The following SFXN3 variants were observed in gnomAD, a reference collection of about 807,000 sequenced individuals.
SFXN3 encodes sideroflexin 3.
A neutral mutation model predicts 40.4 loss-of-function variants in SFXN3; 31 were observed. The observed-to-expected ratio is 0.77, with a 90% CI of 0.58 to 1.04. The LOEUF (loss-of-function observed/expected upper bound fraction) is 1.04, where lower values mean the gene tolerates loss of function less well. Among genes scored for constraint, SFXN3 ranks in the 50% least tolerant of loss-of-function variants. The pLI, the probability that SFXN3 is intolerant of heterozygous loss-of-function variation, is 0.00. For synonymous variants in SFXN3, 157 were observed against 160.0 expected (o/e 0.98, Z 0.14); for missense variants, 366 against 408.2 (o/e 0.90, Z 0.89).
rs1938771592 is a variant in SFXN3 at position 101,039,176 on chromosome 10, C to T, written c.823C>T (p.Leu275=). The T allele has an allele frequency of 6.2e-7, 1 of 1,610,222 alleles. No individual in the cohort carries two copies. Among genetic ancestry groups the T allele is most frequent in the Non-Finnish European group, 8.5e-7 (1 of 1,177,058 alleles). ...CTTTCCAACACTTGTCTCCCCCAGC[C>T]TGGTATTTGCAACCCCCCTGTGCTG... Residue 275 remains leucine, a splice_region_variant and synonymous_variant, in exon 11 of 12, where the codon CTG becomes TTG. Coordinates refer to ENST00000393459, the Ensembl canonical transcript of SFXN3. The surrounding 1 kb of genome is among the most constrained non-coding windows in gnomAD (Gnocchi z 4.6).
rs1315587498 is a variant in SFXN3, at chr10:101,039,249, G to A, written c.869+27G>A. ...TAAGTGCTGTCCCTGGGCTGGGTGG[G>A]GGACTCTGGATTGGACTCTGCATCT... On this transcript the variant is annotated intron_variant, in intron 11 of 11. Coordinates refer to ENST00000393459, the Ensembl canonical transcript of SFXN3. This position sits in a 1 kb window ranked among gnomAD's most constrained non-coding sequence, Gnocchi z 4.6. 2 of 1,592,418 alleles carry A rather than the reference G, an allele frequency of 1.3e-6. No homozygotes were observed. Among genetic ancestry groups the A allele is most frequent in the East Asian group, 2.2e-5 (1 of 44,824 alleles).
At chr10:101,032,316 T>A (rs576666988) in exon 2 of SFXN3, 28 of 791,960 alleles carry the variant, frequency 3.5e-5, no homozygotes, top group Non-Finnish European at 5.2e-5. Flanking sequence ...GCCCTCAGGT[T>A]CTGCCAATCC....
intron 3 of SFXN3, 144 bp downstream of exon 3, chr10:101,034,999 A>G: frequency 8.7e-7 from 1 of 1,154,624 alleles, no homozygotes; most frequent in Non-Finnish European, 1.2e-6. Context: ...TTGGCATCAC[A>G]GAGCTTTAAC....
chr10:101,035,066 G>T (rs1475967585), intron 3 of SFXN3, among the ~76,000 whole-genome samples: 1 of 152,226 alleles, frequency 6.6e-6, no homozygotes, highest in Non-Finnish European at 1.5e-5. Context: ...TATGGGAGGG[G>T]CTGCTCTATG....
chr10:101,035,355 G>T (rs1938537480), intron 3 of SFXN3, 142 bp from the exon 4 acceptor site: 2 of 954,340 alleles, frequency 2.1e-6, no homozygotes, highest in African/African-American at 1.7e-5. Context: ...CTCTCCCAAA[G>T]ATAAGGAGCT....
At chr10:101,034,485 T>C (rs1938486828) in intron 2 of SFXN3, among the ~76,000 whole-genome samples, 1 of 152,210 alleles carries the variant, frequency 6.6e-6, no homozygotes, top group Non-Finnish European at 1.5e-5. Context: ...CAGGTCTTTT[T>C]CAAAATGGAG....
At position 101,039,901 on chromosome 10, in the gene SFXN3, A is replaced by C. The variant is rs1024911476; in HGVS notation, c.*316A>C. ...AGGCATGCTAGCCTAGTATGTTCTG[A>C]CATCTGGCTTCCCTTCTCAGCCTCA... On this transcript the variant is annotated 3_prime_UTR_variant, in exon 12 of 12. Coordinates refer to ENST00000393459, the Ensembl canonical transcript of SFXN3. This position sits in a 1 kb window ranked among gnomAD's most constrained non-coding sequence, Gnocchi z 4.6. 17 of 297,702 alleles carry C rather than the reference A, an allele frequency of 5.7e-5. No homozygotes were observed. The South Asian group carries it at 8.3e-4, about 15-fold the overall frequency. The allele number at this position is 297,702 out of a possible 1,614,324, so 18.4% of individuals were successfully genotyped here. A position where few individuals can be genotyped will look rare whatever the true frequency, so the allele number is the denominator to read the frequency against.
At chr10:101,034,796 A>C (rs764155723) in exon 3 of SFXN3, 1 of 1,614,186 alleles carries the variant, frequency 6.2e-7, no homozygotes, top group South Asian at 1.1e-5. Context: ...CTGATCCTCG[A>C]AATCTGCTGC....
At position 101,036,219 on chromosome 10, in the gene SFXN3, C is replaced by T; in HGVS notation, c.431+118C>T. The stretch of plus-strand genomic sequence containing the variant: ...GGACCATGCAGCCAGTGCTCAGCGC[C>T]CTCTCCTCAGCCTGCCCCACCCCGA... On this transcript the variant is annotated intron_variant, in intron 5 of 11. Coordinates refer to ENST00000393459, the Ensembl canonical transcript of SFXN3. This position sits in a 1 kb window ranked among gnomAD's most constrained non-coding sequence, Gnocchi z 4.2. The T allele has an allele frequency of 1.1e-6, 1 of 906,160 alleles. No homozygotes were observed. Among genetic ancestry groups the T allele is most frequent in the Admixed American group, 2.0e-5 (1 of 49,258 alleles). 56.1% of individuals were successfully genotyped at this position (906,160 alleles called of 1,614,324 possible).
In SFXN3 at chr10:101,039,116, G is replaced by T; in HGVS notation, c.822-59G>T. ...ATCTCCAAGGATGGGGTGGGGTGCA[G>T]GGAGGGAACACCCTAAGGCCAAAGC... On this transcript the variant is annotated intron_variant, in intron 10 of 11. Transcript: ENST00000393459. The surrounding 1 kb of genome is among the most constrained non-coding windows in gnomAD (Gnocchi z 4.6). 2 of 1,461,490 alleles carry T rather than the reference G, an allele frequency of 1.4e-6. No homozygotes were observed. The allele number at this position is 1,461,490 out of a possible 1,614,324, so 90.5% of individuals were successfully genotyped here.
chr10:101,031,829 G>C (rs1256634945), intron 1 of SFXN3, among the ~76,000 whole-genome samples: 8 of 152,290 alleles, frequency 5.3e-5, no homozygotes. Context: ...AGGGGTTACA[G>C]AGGGGGAGCA....
At chr10:101,038,827 C>T in intron 10 of SFXN3, 135 bp downstream of exon 10, 3 of 1,362,848 alleles carry the variant, frequency 2.2e-6, no homozygotes, top group South Asian at 2.5e-5. Flanking sequence ...TTTGGAACAA[C>T]TATAGGGTCT....
chr10:101,036,352 T>C lies in SFXN3; in HGVS notation c.432-134T>C, dbSNP rs536728167. On this transcript the variant is annotated intron_variant, in intron 5 of 11. Coordinates refer to ENST00000393459, the Ensembl canonical transcript of SFXN3. The surrounding 1 kb of genome is among the most constrained non-coding windows in gnomAD (Gnocchi z 4.2). Reference sequence around the variant, plus strand: ...CTTCTAGACAAGTTTACGCCGGAGATGGAGGGAAGGCTTCTTCTGCAAGGA... The same window carrying C: ...CTTCTAGACAAGTTTACGCCGGAGACGGAGGGAAGGCTTCTTCTGCAAGGA... 20 of 888,722 alleles carry C rather than the reference T, an allele frequency of 2.3e-5. No homozygotes were observed. Among genetic ancestry groups the C allele is most frequent in the African/African-American group, 2.2e-4 (13 of 59,846 alleles). The allele number at this position is 888,722 out of a possible 1,614,324, so 55.1% of individuals were successfully genotyped here. A position where few individuals can be genotyped will look rare whatever the true frequency, so the allele number is the denominator to read the frequency against.
chr10:101,037,026 C>T, intron 7 of SFXN3, 50 bp from the exon 8 acceptor site: 1 of 1,607,106 alleles, frequency 6.2e-7, no homozygotes. Context: ...TCGGGCATTG[C>T]AGGTGGGATC....
intron 2 of SFXN3, among the ~76,000 whole-genome samples, chr10:101,032,904 C>T (rs1028643654): frequency 1.3e-5 from 2 of 152,224 alleles, no homozygotes; most frequent in African/African-American, 4.8e-5. Flanking sequence ...CCAGGCTTTC[C>T]TCTCTGTGCT....
rs767522428 is a variant in SFXN3, at chr10:101,039,129, C to T, written c.822-46C>T. 6.4e-7 allele frequency: 1 copy of T among 1,574,354 alleles called. No individual in the cohort carries two copies. Among genetic ancestry groups the T allele is most frequent in the Admixed American group, 1.7e-5 (1 of 59,846 alleles). ...GGGTGGGGTGCAGGGAGGGAACACCCTAAGGCCAAAGCTTTACAAACCTTT... is the reference window on the plus strand; with the variant it reads ...GGGTGGGGTGCAGGGAGGGAACACCTTAAGGCCAAAGCTTTACAAACCTTT... On this transcript the variant is annotated intron_variant, in intron 10 of 11. Coordinates refer to ENST00000393459, the Ensembl canonical transcript of SFXN3. This position sits in a 1 kb window ranked among gnomAD's most constrained non-coding sequence, Gnocchi z 4.6.
intron 4 of SFXN3, 59 bp downstream of exon 4, chr10:101,035,726 G>A: frequency 1.3e-6 from 2 of 1,552,872 alleles, no homozygotes; most frequent in Non-Finnish European, 1.7e-6. Context: ...AGCTTGACTA[G>A]GTGCGCTTCT....
rs1169152920 is a variant in SFXN3 at position 101,036,956 on chromosome 10, T to A, written c.594-120T>A. On this transcript the variant is annotated intron_variant, in intron 7 of 11. Coordinates refer to ENST00000393459, the Ensembl canonical transcript of SFXN3. The surrounding 1 kb of genome is among the most constrained non-coding windows in gnomAD (Gnocchi z 4.2). ...TCAGTCTGACCCTGGGATCCTCAGG[T>A]GGGAGAACCAGCCTTTGAGCCTGGG... 1 of 1,523,182 alleles carries A rather than the reference T, an allele frequency of 6.6e-7. No homozygotes were observed. Among genetic ancestry groups the A allele is most frequent in the Non-Finnish European group, 8.8e-7 (1 of 1,130,646 alleles). The allele number at this position is 1,523,182 out of a possible 1,614,324, so 94.4% of individuals were successfully genotyped here. A position where few individuals can be genotyped will look rare whatever the true frequency, so the allele number is the denominator to read the frequency against.
chr10:101,038,530 C>T, intron 9 of SFXN3, 113 bp from the exon 10 acceptor site: 1 of 1,586,004 alleles, frequency 6.3e-7, no homozygotes, highest in Non-Finnish European at 8.6e-7. Context: ...AAAACGGCCA[C>T]AGGTCTAAGG....
Sources: gnomAD v4.1 joint callset for allele counts (sites outside exome capture counted in the v4.1 genomes callset) on GRCh38, gnomAD v4.1.1 for gene constraint, Gnocchi (gnomAD v3.1) non-coding constraint, MANE v1.5 for transcripts, NCBI Gene and HGNC (gene_info 2026-07-23, HGNC 2026-07-21) for gene names.